The following ARHGAP18 variants were observed in gnomAD, a reference collection of about 807,000 sequenced individuals.
ARHGAP18 encodes the protein Rho GTPase activating protein 18.
A neutral mutation model predicts 86.2 loss-of-function variants in ARHGAP18; 67 were observed. The observed-to-expected ratio is 0.78, with a 90% CI of 0.64 to 0.95. The LOEUF (loss-of-function observed/expected upper bound fraction) is 0.95, where lower values mean the gene tolerates loss of function less well. Ranked by LOEUF, ARHGAP18 falls within the 40% of genes least tolerant of loss-of-function variation. The probability of loss-of-function intolerance (pLI) is 0.00; values close to 1 mark genes in which losing one functional copy is unlikely to be tolerated. For missense variants in ARHGAP18, 691 were observed against 780.4 expected, an observed-to-expected ratio of 0.89 and a Z score of 1.37; for synonymous variants, 283 against 280.4, an observed-to-expected ratio of 1.01 and a Z score of -0.09.
intron 2 of ARHGAP18, 41 bp from the exon 3 acceptor site, chr6:129,638,670 T>C: frequency 1.3e-6 from 2 of 1,548,206 alleles, no homozygotes; most frequent in African/African-American, 1.4e-5. Flanking sequence ...TCACAAAATA[T>C]AACAACCTTT....
At chr6:129,633,757 A>G (rs1749462953) in intron 4 of ARHGAP18, among the ~76,000 whole-genome samples, 1 of 152,192 alleles carries the variant, frequency 6.6e-6, no homozygotes, top group African/African-American at 2.4e-5. Context: ...CATGGTTTTC[A>G]AGTGTATTAA....
intron 5 of ARHGAP18, among the ~76,000 whole-genome samples, chr6:129,626,105 C>CACACATATAT (rs1425322925): frequency 4.6e-4 from 58 of 124,918 alleles, no homozygotes; most frequent in Non-Finnish European, 6.2e-4. Context: ...CACACACACA[C>CACACATATAT]ATATATAGAA....
chr6:129,641,506 A>G (rs1773463806), intron 2 of ARHGAP18, among the ~76,000 whole-genome samples: 1 of 152,224 alleles, frequency 6.6e-6, no homozygotes, highest in Non-Finnish European at 1.5e-5. Flanking sequence ...TGGCTACCAC[A>G]TCACAGAAGA....
chr6:129,665,308 C>G (rs9398914), intron 1 of ARHGAP18, among the ~76,000 whole-genome samples: 59,959 of 151,998 alleles, frequency 0.39, 11,993 homozygotes, highest in Middle Eastern at 0.43. Flanking sequence ...ACTTTGGGAG[C>G]CTGAGGCGGG....
intron 1 of ARHGAP18, among the ~76,000 whole-genome samples, chr6:129,688,350 A>G (rs1452595137): frequency 3.5e-5 from 4 of 113,448 alleles, no homozygotes. Flanking sequence ...AGCAAGGTTT[A>G]AAAATGATGT....
chr6:129,604,636 A>C (rs1788816383), intron 10 of ARHGAP18, among the ~76,000 whole-genome samples: 2 of 152,160 alleles, frequency 1.3e-5, no homozygotes, highest in South Asian at 4.1e-4. Context: ...CAATCTACAC[A>C]CACTTACACA....
chr6:129,701,515 T>G (rs1354869908), intron 1 of ARHGAP18, among the ~76,000 whole-genome samples: 1 of 152,218 alleles, frequency 6.6e-6, no homozygotes, highest in African/African-American at 2.4e-5. Context: ...CTCACGCCTA[T>G]AATCCCCACA....
At chr6:129,598,993 C>T (rs1010912132) in intron 12 of ARHGAP18, 2 of 335,978 alleles carry the variant, frequency 6.0e-6, no homozygotes, top group African/African-American at 4.3e-5. Flanking sequence ...CCTTTGTTCC[C>T]CATTAACAAC....
chr6:129,612,276 G>C (rs928009001), intron 7 of ARHGAP18, among the ~76,000 whole-genome samples: 1 of 152,152 alleles, frequency 6.6e-6, no homozygotes, highest in African/African-American at 2.4e-5. Context: ...CAATAAGAGT[G>C]GTCAGATTCT....
At chr6:129,604,323 TGAGG>T in intron 10 of ARHGAP18, among the ~76,000 whole-genome samples, 1 of 152,232 alleles carries the variant, frequency 6.6e-6, no homozygotes, top group East Asian at 1.9e-4. Flanking sequence ...CCTGGGACTT[TGAGG>T]GCAAAGCCCG....
At chr6:129,592,246 A>G (rs1408533337) in intron 12 of ARHGAP18, among the ~76,000 whole-genome samples, 1 of 152,222 alleles carries the variant, frequency 6.6e-6, no homozygotes, top group Non-Finnish European at 1.5e-5. Flanking sequence ...CCTAAAGCAG[A>G]TGCTTGAAAC....
At chr6:129,687,937 G>A (rs1303527625) in intron 1 of ARHGAP18, among the ~76,000 whole-genome samples, 4 of 151,698 alleles carry the variant, frequency 2.6e-5, no homozygotes, top group Admixed American at 1.3e-4. Flanking sequence ...ATGCCATCTC[G>A]TCATCGAGAG....
chr6:129,594,062 C>A (rs1301490338), intron 12 of ARHGAP18, among the ~76,000 whole-genome samples: 1 of 152,158 alleles, frequency 6.6e-6, no homozygotes, highest in Admixed American at 6.5e-5. Flanking sequence ...TCCTCCTGTT[C>A]AGCCTCCCAA....
At chr6:129,587,723 C>A (rs1007996028) in intron 12 of ARHGAP18, among the ~76,000 whole-genome samples, 2 of 152,010 alleles carry the variant, frequency 1.3e-5, no homozygotes, top group African/African-American at 4.8e-5. Flanking sequence ...CAATTACCTC[C>A]TACCAGGTGC....
intron 8 of ARHGAP18, among the ~76,000 whole-genome samples, chr6:129,611,193 C>T (rs1354367778): frequency 2.6e-5 from 4 of 152,210 alleles, no homozygotes; most frequent in East Asian, 1.9e-4. Flanking sequence ...TGAACCACCA[C>T]GCCCGGCCCT....
At position 129,607,500 on chromosome 6, in the gene ARHGAP18, T is replaced by C. The variant is rs774588172; in HGVS notation, c.1282+393A>G. ...AGACCCTACCACTTCTCCTTGTGCT[T>C]TTATGATAACTGTTCATCCACAGCT... On this transcript the variant is annotated intron_variant, in intron 9 of 14. Transcript: ENST00000368149. Among the ~76,000 whole-genome samples, 17 of 152,304 alleles carry C rather than the reference T, an allele frequency of 1.1e-4. 1 individual carries two copies. The highest frequency in any genetic ancestry group is 1.9e-4 in the Non-Finnish European group (13 of 68,034).
intron 12 of ARHGAP18, among the ~76,000 whole-genome samples, chr6:129,584,356 A>G (rs2114428502): frequency 6.6e-6 from 1 of 152,348 alleles, no homozygotes; most frequent in South Asian, 2.1e-4. Flanking sequence ...GTAAAGAATG[A>G]CAGCAATAAC....
intron 1 of ARHGAP18, among the ~76,000 whole-genome samples, chr6:129,656,010 A>C (rs1228574920): frequency 6.6e-6 from 1 of 152,276 alleles, no homozygotes; most frequent in Admixed American, 6.5e-5. Flanking sequence ...TCAATGATTC[A>C]ATGTTTTGAT....
At position 129,577,190 on chromosome 6, in the gene ARHGAP18, A is replaced by AGG. The variant is rs778390994; in HGVS notation, c.*1321_*1322dup. The AGG allele has an allele frequency of 1.3e-5, 2 of 152,198 alleles. No individual in the cohort carries two copies. Among genetic ancestry groups the AGG allele is most frequent in the Non-Finnish European group, 2.9e-5 (2 of 68,010 alleles). 9.4% of individuals were successfully genotyped at this position (152,198 alleles called of 1,614,324 possible). ...AAATCATTTAAGTGATCATATCCAC[A>AGG]GGCTGTTCTTGTAATTATATGCTAA... On this transcript the variant is annotated 3_prime_UTR_variant, in exon 15 of 15. Transcript: ENST00000368149.
Sources: allele counts gnomAD v4.1 joint callset (sites outside exome capture counted in the v4.1 genomes callset), GRCh38; gene constraint gnomAD v4.1.1; transcripts MANE v1.5; gene names NCBI Gene and HGNC (gene_info 2026-07-23, HGNC 2026-07-21).